KIAA1217: variants seen among roughly 807,000 people sequenced by gnomAD.
The protein encoded by KIAA1217 is sickle tail protein homolog.
KIAA1217 carries 88 observed loss-of-function variants against 163.9 expected under a neutral mutation model. That is an observed-to-expected ratio of 0.54 (90% confidence interval 0.45 to 0.64). The LOEUF (loss-of-function observed/expected upper bound fraction) is 0.64, where lower values mean the gene tolerates loss of function less well. Ranked by LOEUF, KIAA1217 falls within the 30% of genes least tolerant of loss-of-function variation. KIAA1217 has a pLI of 0.00. For synonymous variants in KIAA1217, 903 were observed against 923.1 expected, an observed-to-expected ratio of 0.98 and a Z score of 0.39; for missense variants, 2,372 against 2,475.0, an observed-to-expected ratio of 0.96 and a Z score of 0.88.
At chr10:24,461,782 A>G (rs185714105) in intron 5 of KIAA1217, among the ~76,000 whole-genome samples, 7 of 152,376 alleles carry the variant, frequency 4.6e-5, no homozygotes, top group Admixed American at 3.9e-4. Context: ...CTAAAGTTAT[A>G]TAATGCTCTA....
chr10:24,501,409 T>C lies in KIAA1217; in HGVS notation c.1865T>C (p.Leu622Pro). ...GTPHVSGGKM[L>P]SALESTVPPS... ...CCCCATGTGTCTGGTGGGAAGATGC[T>C]CAGTGCTCTGGAGTCCACGGTGCCT... Residue 622 changes from leucine to proline, a missense_variant, in exon 9 of 21, where the codon CTC becomes CCC. Physicochemically the swap from Leu to Pro is moderately conservative, Grantham distance 98 (BLOSUM62 -3). Transcript: ENST00000376454. 4 of 1,612,560 alleles carry C rather than the reference T, an allele frequency of 2.5e-6. No homozygotes were observed. Among genetic ancestry groups the C allele is most frequent in the Non-Finnish European group, 3.4e-6 (4 of 1,178,840 alleles).
At chr10:23,745,559 A>G (rs959172922) in intron 1 of KIAA1217, among the ~76,000 whole-genome samples, 1 of 152,216 alleles carries the variant, frequency 6.6e-6, no homozygotes, top group African/African-American at 2.4e-5. Flanking sequence ...CTCTCACCCA[A>G]GTGAGAAAGC....
chr10:24,032,504 T>G (rs187396218), intron 2 of KIAA1217, among the ~76,000 whole-genome samples: 1 of 152,286 alleles, frequency 6.6e-6, no homozygotes, highest in East Asian at 1.9e-4. Flanking sequence ...CTTAAAGTGC[T>G]GGCATTACAG....
chr10:23,937,879 C>T (rs531478046), intron 1 of KIAA1217, among the ~76,000 whole-genome samples: 36 of 152,278 alleles, frequency 2.4e-4, no homozygotes, highest in African/African-American at 8.7e-4. Flanking sequence ...GGGATTGTCC[C>T]AGTTTATTTC....
At chr10:23,724,730 G>A (rs771897928) in intron 1 of KIAA1217, among the ~76,000 whole-genome samples, 8 of 152,258 alleles carry the variant, frequency 5.3e-5, no homozygotes, top group South Asian at 2.1e-4. Flanking sequence ...TCTTTAAGCC[G>A]TTCTGTTTCA....
rs1589135753 is a variant in KIAA1217, at chr10:23,953,355, TTTCA to T, written c.-320-53869_-320-53866del. The stretch of plus-strand genomic sequence containing the variant: ...TCAGTGTCTCAGGAATCCAGGGTCC[TTTCA>T]GCTTAAGACATTATCTCAATATATG... On this transcript the variant is annotated intron_variant, in intron 1 of 18. Coordinates refer to the KIAA1217 transcript ENST00000376462. 2.6e-5 allele frequency among the ~76,000 whole-genome samples: 4 copies of T among 152,364 alleles called. No homozygotes were observed. The East Asian group carries it at 7.7e-4, about 29-fold the overall frequency.
At chr10:24,016,752 C>T (rs1847496067) in intron 2 of KIAA1217, among the ~76,000 whole-genome samples, 1 of 152,020 alleles carries the variant, frequency 6.6e-6, no homozygotes, top group Admixed American at 6.6e-5. Context: ...TCAGTTTCCT[C>T]ATGTAAAAAT....
At chr10:23,858,501 A>G (rs948615150) in intron 1 of KIAA1217, among the ~76,000 whole-genome samples, 1 of 152,084 alleles carries the variant, frequency 6.6e-6, no homozygotes, top group African/African-American at 2.4e-5. Flanking sequence ...ATACACACAC[A>G]TCTTTAGAGC....
intron 8 of KIAA1217, 78 bp downstream of exon 8, chr10:24,495,274 A>G: frequency 2.6e-6 from 3 of 1,158,746 alleles, no homozygotes; most frequent in South Asian, 2.8e-5. Flanking sequence ...GAAATGTTTA[A>G]CATTTCCCTA....
intron 1 of KIAA1217, among the ~76,000 whole-genome samples, chr10:23,870,577 A>G (rs901311243): frequency 1.3e-5 from 2 of 152,024 alleles, no homozygotes; most frequent in African/African-American, 4.8e-5. Flanking sequence ...TCATTACCTT[A>G]TTTACTGTTT....
chr10:24,339,683 C>A (rs1041181241), intron 2 of KIAA1217, among the ~76,000 whole-genome samples: 2 of 152,214 alleles, frequency 1.3e-5, no homozygotes, highest in Non-Finnish European at 1.5e-5. Flanking sequence ...ATAAGGGCTG[C>A]AGAGGTTGGT....
chr10:24,290,591 A>G (rs1191189194), intron 2 of KIAA1217, among the ~76,000 whole-genome samples: 1 of 151,812 alleles, frequency 6.6e-6, no homozygotes, highest in Non-Finnish European at 1.5e-5. Flanking sequence ...AAAGCATAAT[A>G]TAAACAGATG....
intron 2 of KIAA1217, among the ~76,000 whole-genome samples, chr10:24,358,923 C>A (rs2049500735): frequency 6.6e-6 from 1 of 151,940 alleles, no homozygotes; most frequent in African/African-American, 2.4e-5. Flanking sequence ...TTACTTTGAC[C>A]CATGAGAACA....
chr10:24,370,319 A>G lies in KIAA1217; in HGVS notation c.355-10550A>G, dbSNP rs78149830. On this transcript the variant is annotated intron_variant, in intron 2 of 20. Coordinates refer to ENST00000376454, the MANE Select transcript of KIAA1217 (RefSeq NM_019590.5). ...CCCTAAGGTAGATACACTGAAAATC[A>G]AAAAGCAAAATCTCGTAAGAAGAGG... Among the ~76,000 whole-genome samples the G allele has an allele frequency of 5.6e-3, 859 of 152,040 alleles. 8 individuals are homozygous for G. The highest frequency in any genetic ancestry group is 0.019 in the African/African-American group (783 of 41,450).
chr10:24,219,860 C>T lies in KIAA1217; in HGVS notation c.305C>T (p.Pro102Leu). The T allele has an allele frequency of 6.2e-7, 1 of 1,612,648 alleles. No homozygotes were observed. The highest frequency in any genetic ancestry group is 8.5e-7 in the Non-Finnish European group (1 of 1,179,284). ...AFLEHLKQKY[P>L]HHASAIMGHQ... is the part of the protein sequence containing the mutation. Reference sequence around the variant, plus strand: ...CTAGAACATCTGAAGCAGAAGTACCCCCACCACGCCTCTGCAATCATGGGT... The same window carrying T: ...CTAGAACATCTGAAGCAGAAGTACCTCCACCACGCCTCTGCAATCATGGGT... The change falls in exon 2 of 21, where the codon CCC becomes CTC. Residue 102 changes from proline (P) to leucine (L), a missense_variant. By Grantham distance (98) the Pro-to-Leu change is moderately conservative. Around this residue, in one of 3 missense-constraint regions of KIAA1217, gnomAD observed 1,431 missense variants for 1,470.3 expected, o/e 0.97. Coordinates refer to ENST00000376454, the MANE Select transcript of KIAA1217 (RefSeq NM_019590.5).
intron 2 of KIAA1217, among the ~76,000 whole-genome samples, chr10:24,182,242 C>T (rs1269891760): frequency 6.6e-6 from 1 of 152,136 alleles, no homozygotes; most frequent in Non-Finnish European, 1.5e-5. Context: ...TTGACACCAG[C>T]CTGGCCAACA....
intron 2 of KIAA1217, among the ~76,000 whole-genome samples, chr10:24,286,705 A>G (rs1015672965): frequency 6.6e-6 from 1 of 152,132 alleles, no homozygotes; most frequent in East Asian, 1.9e-4. Context: ...ACATTTATGC[A>G]TTTTCTGAAG....
At position 24,533,335 on chromosome 10, in the gene KIAA1217, C is replaced by T. The variant is rs1483163100; in HGVS notation, c.3414+98C>T. 7.7e-5 allele frequency: 94 copies of T among 1,217,536 alleles called. No homozygotes were observed. The Admixed American group carries it at 1.3e-3, about 17-fold the overall frequency. 75.4% of individuals were successfully genotyped at this position (1,217,536 alleles called of 1,614,324 possible). On this transcript the variant is annotated intron_variant, in intron 16 of 20. Coordinates refer to ENST00000376454, the MANE Select transcript of KIAA1217 (RefSeq NM_019590.5). The stretch of plus-strand genomic sequence containing the variant: ...TTTGTTAGCGAGAAGGCCAGGGAAG[C>T]GCATGGACCGGGACCATAGAAGCTG...
intron 2 of KIAA1217, among the ~76,000 whole-genome samples, chr10:24,098,674 T>C (rs749164836): frequency 6.6e-6 from 1 of 151,630 alleles, no homozygotes; most frequent in Non-Finnish European, 1.5e-5. Context: ...GCTCAGACTA[T>C]CTGACTATCT....
Sources: allele counts gnomAD v4.1 joint callset (sites outside exome capture counted in the v4.1 genomes callset), GRCh38; gene constraint gnomAD v4.1.1; regional missense constraint gnomAD v4.1.1; transcripts MANE v1.5; gene names NCBI Gene and HGNC (gene_info 2026-07-23, HGNC 2026-07-21).